KLF7: variants seen among roughly 807,000 people sequenced by gnomAD.
KLF7 encodes Krueppel-like factor 7.
KLF7 carries 2 observed loss-of-function variants against 27.3 expected under a neutral mutation model. The observed-to-expected ratio is 0.07, with a 90% confidence interval of 0.03 to 0.23. The LOEUF is 0.23. KLF7 is among the 10% of genes least tolerant of loss of function. The pLI is 1.00. For missense variants in KLF7, 221 were observed against 394.1 expected, an observed-to-expected ratio of 0.56 and a Z score of 3.72; for synonymous variants, 165 against 162.4, an observed-to-expected ratio of 1.02 and a Z score of -0.12.
intron 1 of KLF7, among the ~76,000 whole-genome samples, chr2:207,162,049 C>T (rs1388219355): frequency 1.3e-5 from 2 of 152,186 alleles, no homozygotes; most frequent in Non-Finnish European, 2.9e-5. Flanking sequence ...GCTTGACCTG[C>T]ACTCATGAAA....
At chr2:207,100,673 C>A (rs2105907116) in intron 2 of KLF7, among the ~76,000 whole-genome samples, 1 of 152,290 alleles carries the variant, frequency 6.6e-6, no homozygotes, top group South Asian at 2.1e-4. Context: ...CCACATGTCA[C>A]CCCATCCGCA....
chr2:207,088,371 A>G (rs1215647910), intron 3 of KLF7, 87 bp downstream of exon 3: 11 of 1,478,024 alleles, frequency 7.4e-6, no homozygotes, highest in African/African-American at 2.8e-5. Flanking sequence ...CAGACCTGTG[A>G]TAAGTCCAAG....
intron 2 of KLF7, among the ~76,000 whole-genome samples, chr2:207,097,046 T>C (rs2076647851): frequency 6.6e-6 from 1 of 152,230 alleles, no homozygotes; most frequent in Non-Finnish European, 1.5e-5. Flanking sequence ...CCCAAGAATC[T>C]GCATTTCTAA....
In KLF7 at chr2:207,142,902, C is replaced by T. The variant is rs944363546; in HGVS notation, c.103-18498G>A. On this transcript the variant is annotated intron_variant, in intron 1 of 3. Coordinates refer to ENST00000309446, the MANE Select transcript of KLF7 (RefSeq NM_003709.4). Reference sequence around the variant, plus strand: ...TTTGCTCTGGGTTAAGCTTTGCCAACGCACTTCTAAAAGGCAGTAGCTGTT... The same window carrying T: ...TTTGCTCTGGGTTAAGCTTTGCCAATGCACTTCTAAAAGGCAGTAGCTGTT... Among the ~76,000 whole-genome samples, 8 of 152,194 alleles carry T rather than the reference C, an allele frequency of 5.3e-5. No homozygotes were observed. The South Asian group carries it at 6.2e-4, about 12-fold the overall frequency.
At chr2:207,144,166 GAGA>G (rs375124145) in intron 1 of KLF7, among the ~76,000 whole-genome samples, 10,784 of 50,360 alleles carry the variant, frequency 0.21, 453 homozygotes, top group Admixed American at 0.35. Context: ...CAGCGGGGGG[GAGA>G]AAAAAAAAAA....
chr2:207,150,973 G>A (rs1378990694), intron 1 of KLF7, among the ~76,000 whole-genome samples: 2 of 131,816 alleles, frequency 1.5e-5, no homozygotes, highest in African/African-American at 5.4e-5. Context: ...CAAAAGCTCT[G>A]AGTGTAAGAC....
intron 2 of KLF7, chr2:207,122,136 C>T (rs143844212): frequency 5.3e-5 from 8 of 152,266 alleles, no homozygotes; most frequent in African/African-American, 1.7e-4. Flanking sequence ...AAACTACCTT[C>T]AGAACAATAT....
chr2:207,162,542 C>T (rs1048907627), intron 1 of KLF7, among the ~76,000 whole-genome samples: 2 of 152,140 alleles, frequency 1.3e-5, no homozygotes, highest in African/African-American at 4.8e-5. Context: ...ATACCAGCAA[C>T]GATTATTTTC....
chr2:207,098,983 T>G (rs972821993), intron 2 of KLF7, among the ~76,000 whole-genome samples: 5 of 151,892 alleles, frequency 3.3e-5, no homozygotes, highest in African/African-American at 1.2e-4. Context: ...AAAATCACTT[T>G]TACTCCAAAC....
chr2:207,130,392 T>C (rs7579488), intron 1 of KLF7, among the ~76,000 whole-genome samples: 21,693 of 152,202 alleles, frequency 0.14, 3,336 homozygotes, highest in African/African-American at 0.39. Flanking sequence ...GTCCACAGAT[T>C]GGTGGGATGT....
intron 2 of KLF7, among the ~76,000 whole-genome samples, chr2:207,107,524 T>C (rs1379653366): frequency 6.6e-6 from 1 of 152,226 alleles, no homozygotes; most frequent in Non-Finnish European, 1.5e-5. Context: ...TGTAAAATTA[T>C]ATAGCATAGG....
At chr2:207,087,893 C>T (rs1261556853) in intron 3 of KLF7, among the ~76,000 whole-genome samples, 1 of 152,086 alleles carries the variant, frequency 6.6e-6, no homozygotes, top group African/African-American at 2.4e-5. Context: ...TTCTCAAAAC[C>T]TTGTCATTTT....
chr2:207,104,244 A>G (rs767446824), intron 2 of KLF7, among the ~76,000 whole-genome samples: 1 of 152,208 alleles, frequency 6.6e-6, no homozygotes, highest in Non-Finnish European at 1.5e-5. Context: ...GGCTTTTTCT[A>G]TTAGATGTAT....
intron 1 of KLF7, among the ~76,000 whole-genome samples, chr2:207,129,242 A>G (rs2077559030): frequency 1.3e-5 from 2 of 152,204 alleles, no homozygotes; most frequent in South Asian, 4.1e-4. Flanking sequence ...TCTTGCCAGC[A>G]AACTCCAAAT....
chr2:207,138,315 A>C (rs1368684606), intron 1 of KLF7, among the ~76,000 whole-genome samples: 2 of 152,216 alleles, frequency 1.3e-5, no homozygotes, highest in Non-Finnish European at 2.9e-5. Context: ...CTACATATGC[A>C]CAACACAAAT....
chr2:207,092,126 A>C (rs2076526422), intron 2 of KLF7, among the ~76,000 whole-genome samples: 1 of 152,270 alleles, frequency 6.6e-6, no homozygotes, highest in South Asian at 2.1e-4. Flanking sequence ...TGGGTATAAA[A>C]CAGAAACTGT....
intron 1 of KLF7, among the ~76,000 whole-genome samples, chr2:207,151,186 G>A (rs2078235954): frequency 6.6e-6 from 1 of 152,106 alleles, no homozygotes; most frequent in South Asian, 2.1e-4. Flanking sequence ...GTAATTCTGT[G>A]TTATCAACAC....
intron 2 of KLF7, among the ~76,000 whole-genome samples, chr2:207,092,763 GC>G (rs1373619248): frequency 6.6e-6 from 1 of 152,152 alleles, no homozygotes; most frequent in Non-Finnish European, 1.5e-5. Context: ...TTTTGAGCAT[GC>G]ATCTATGATA....
intron 2 of KLF7, among the ~76,000 whole-genome samples, chr2:207,098,060 T>G (rs2076673916): frequency 6.6e-6 from 1 of 152,230 alleles, no homozygotes; most frequent in South Asian, 2.1e-4. Flanking sequence ...CTGTATGTTC[T>G]CAAGTTTTGA....
Sources: allele counts gnomAD v4.1 joint callset (sites outside exome capture counted in the v4.1 genomes callset), GRCh38; gene constraint gnomAD v4.1.1; transcripts MANE v1.5; gene names NCBI Gene and HGNC (gene_info 2026-07-23, HGNC 2026-07-21).